The following ASIC2 variants were observed in gnomAD, a reference collection of about 807,000 sequenced individuals.
ASIC2 encodes the protein acid sensing ion channel subunit 2.
A neutral mutation model predicts 57.3 loss-of-function variants in ASIC2; 25 were observed. The ratio of observed to expected loss-of-function variants is 0.44; its 90% CI spans 0.32 to 0.61. The LOEUF (loss-of-function observed/expected upper bound fraction) is 0.61, where lower values mean the gene tolerates loss of function less well. ASIC2 is among the 20% of genes least tolerant of loss of function. ASIC2 has a pLI of 0.06. For synonymous variants in ASIC2, 319 were observed against 307.5 expected (o/e 1.04, Z -0.39); for missense variants, 641 against 738.1 (o/e 0.87, Z 1.52).
At chr17:33,909,514 T>C (rs1915416973) in intron 1 of ASIC2, among the ~76,000 whole-genome samples, 1 of 152,016 alleles carries the variant, frequency 6.6e-6, no homozygotes, top group Non-Finnish European at 1.5e-5. Context: ...CCACGGAGCA[T>C]GGGCTATGGA....
intron 1 of ASIC2, among the ~76,000 whole-genome samples, chr17:33,184,458 C>T (rs139379849): frequency 2.2e-4 from 33 of 152,272 alleles, no homozygotes; most frequent in African/African-American, 5.5e-4. Flanking sequence ...GCATTTAAAA[C>T]GGAACTTTCT....
intron 1 of ASIC2, among the ~76,000 whole-genome samples, chr17:33,829,941 T>C (rs1005361175): frequency 2.0e-5 from 3 of 152,296 alleles, no homozygotes; most frequent in South Asian, 2.1e-4. Context: ...AATTAAGATA[T>C]ATAATAATAT....
At chr17:33,388,809 A>G (rs914347677) in intron 1 of ASIC2, among the ~76,000 whole-genome samples, 2 of 152,214 alleles carry the variant, frequency 1.3e-5, no homozygotes, top group Non-Finnish European at 2.9e-5. Flanking sequence ...TTGCTCACAC[A>G]AAGTCCAAGG....
At chr17:33,566,230 A>G (rs1567652578) in intron 1 of ASIC2, among the ~76,000 whole-genome samples, 1 of 152,346 alleles carries the variant, frequency 6.6e-6, no homozygotes, top group East Asian at 1.9e-4. Flanking sequence ...TACTTGAGAT[A>G]ATTGCATTTT....
At chr17:33,750,651 AGTTT>A (rs1296758843) in intron 1 of ASIC2, among the ~76,000 whole-genome samples, 1 of 152,066 alleles carries the variant, frequency 6.6e-6, no homozygotes, top group Non-Finnish European at 1.5e-5. Context: ...CGGATGTCAG[AGTTT>A]GTTTTTCTGT....
intron 1 of ASIC2, among the ~76,000 whole-genome samples, chr17:34,078,106 T>G (rs1050504935): frequency 1.3e-5 from 2 of 152,192 alleles, no homozygotes; most frequent in African/African-American, 4.8e-5. Context: ...ACTGGCCATC[T>G]TCTCAGTAAA....
chr17:33,702,885 T>C (rs1908746502), intron 1 of ASIC2, among the ~76,000 whole-genome samples: 1 of 152,180 alleles, frequency 6.6e-6, no homozygotes, highest in East Asian at 1.9e-4. Context: ...TACCAGGAAC[T>C]AGGGGCATTA....
chr17:33,383,235 G>A (rs1909554736), intron 1 of ASIC2, among the ~76,000 whole-genome samples: 1 of 152,180 alleles, frequency 6.6e-6, no homozygotes, highest in Non-Finnish European at 1.5e-5. Flanking sequence ...TTCAAAAAGT[G>A]ATTTTATACC....
chr17:33,634,009 C>T (rs1352503476), intron 1 of ASIC2, among the ~76,000 whole-genome samples: 2 of 152,186 alleles, frequency 1.3e-5, no homozygotes, highest in Non-Finnish European at 1.5e-5. Flanking sequence ...GTTCTCTGGG[C>T]TCCTACTAGT....
At chr17:33,319,968 G>A (rs1906806315) in intron 1 of ASIC2, among the ~76,000 whole-genome samples, 1 of 152,130 alleles carries the variant, frequency 6.6e-6, no homozygotes, top group African/African-American at 2.4e-5. Flanking sequence ...AATCTTTGGG[G>A]AAGGAGCTAA....
intron 1 of ASIC2, among the ~76,000 whole-genome samples, chr17:33,998,846 G>A (rs1415805233): frequency 1.3e-5 from 2 of 152,098 alleles, no homozygotes; most frequent in Non-Finnish European, 2.9e-5. Context: ...TTCTGCTACT[G>A]TCAGATGGAA....
In ASIC2 at chr17:33,060,303, T is replaced by C. The variant is rs573352465; in HGVS notation, c.987+28560A>G. Reference sequence around the variant, plus strand: ...GGTTTTTATGGTTTTAGGTCTAACATTTAAGTCTTTAATCCATCTTGAATT... The same window carrying C: ...GGTTTTTATGGTTTTAGGTCTAACACTTAAGTCTTTAATCCATCTTGAATT... On this transcript the variant is annotated intron_variant, in intron 3 of 9. Transcript: ENST00000225823. Among the ~76,000 whole-genome samples, 1,039 of 152,324 alleles carry C rather than the reference T, an allele frequency of 6.8e-3. 14 individuals are homozygous for C. Among genetic ancestry groups the C allele is most frequent in the African/African-American group, 0.024 (992 of 41,574 alleles).
intron 1 of ASIC2, among the ~76,000 whole-genome samples, chr17:33,157,380 C>T (rs571434149): frequency 3.3e-5 from 5 of 152,214 alleles, no homozygotes; most frequent in South Asian, 2.1e-4. Context: ...ATGAATAAAC[C>T]GAGGCTCTTT....
intron 1 of ASIC2, among the ~76,000 whole-genome samples, chr17:33,918,640 A>G (rs1218704029): frequency 6.6e-6 from 1 of 152,256 alleles, no homozygotes; most frequent in South Asian, 2.1e-4. Context: ...AAGTAGAATT[A>G]TAAGAAACTA....
intron 1 of ASIC2, among the ~76,000 whole-genome samples, chr17:33,571,797 G>A (rs988997168): frequency 6.6e-5 from 10 of 152,120 alleles, no homozygotes; most frequent in South Asian, 2.1e-4. Flanking sequence ...AGTTCATCTC[G>A]GCCATTTGCA....
intron 1 of ASIC2, among the ~76,000 whole-genome samples, chr17:34,067,452 C>T (rs193170644): frequency 3.3e-5 from 5 of 152,162 alleles, no homozygotes; most frequent in African/African-American, 9.6e-5. Context: ...TCCAGTAATA[C>T]TGAAGGCTAA....
At chr17:33,481,684 G>GT (rs975939427) in intron 1 of ASIC2, among the ~76,000 whole-genome samples, 11 of 151,900 alleles carry the variant, frequency 7.2e-5, no homozygotes, top group Non-Finnish European at 2.9e-5. Context: ...CCTGCTCAAG[G>GT]TTTTTTTAAA....
intron 1 of ASIC2, among the ~76,000 whole-genome samples, chr17:33,592,572 A>G (rs182895959): frequency 1.3e-5 from 2 of 152,248 alleles, no homozygotes; most frequent in South Asian, 4.1e-4. Context: ...TATGCTTGCT[A>G]TCTCATTTGC....
intron 7 of ASIC2, among the ~76,000 whole-genome samples, chr17:33,019,138 A>T (rs2091823228): frequency 6.6e-6 from 1 of 151,998 alleles, no homozygotes; most frequent in African/African-American, 2.4e-5. Flanking sequence ...GAGGTGTGTG[A>T]TGTACGTGTG....
Sources: allele counts gnomAD v4.1 joint callset (sites outside exome capture counted in the v4.1 genomes callset), GRCh38; gene constraint gnomAD v4.1.1; transcripts MANE v1.5; gene names NCBI Gene and HGNC (gene_info 2026-07-23, HGNC 2026-07-21).